The following AKT3 variants were observed in gnomAD, a reference collection of about 807,000 sequenced individuals.
AKT3 encodes AKT serine/threonine kinase 3.
Under a neutral mutation model 65.3 loss-of-function variants are expected in AKT3, and 15 were observed. The observed-to-expected ratio is 0.23, with a 90% confidence interval of 0.15 to 0.35. AKT3 has a LOEUF of 0.35. Ranked by LOEUF, AKT3 falls within the 10% of genes least tolerant of loss-of-function variation. AKT3 has a pLI of 1.00. For synonymous variants in AKT3, 206 were observed against 183.8 expected (o/e 1.12, Z -0.98); for missense variants, 243 against 576.5 (o/e 0.42, Z 5.92).
chr1:243,516,314 C>A (rs1350210605), intron 12 of AKT3, among the ~76,000 whole-genome samples: 1 of 152,086 alleles, frequency 6.6e-6, no homozygotes, highest in Admixed American at 6.5e-5. Flanking sequence ...CCATATTATC[C>A]ACTTAATACC....
intron 2 of AKT3, among the ~76,000 whole-genome samples, chr1:243,808,459 G>C (rs190872543): frequency 0.012 from 1,892 of 152,274 alleles, 16 homozygotes; most frequent in Non-Finnish European, 0.019. Flanking sequence ...ATGAAATGAA[G>C]CGAGAAGAGA....
In AKT3 at chr1:243,500,223, TC is replaced by T; in HGVS notation, c.*5025del. 1 of 258,988 alleles carries T rather than the reference TC, an allele frequency of 3.9e-6. No homozygotes were observed. Among genetic ancestry groups the T allele is most frequent in the Non-Finnish European group, 7.5e-6 (1 of 132,662 alleles). 16.0% of individuals were successfully genotyped at this position (258,988 alleles called of 1,614,324 possible). On this transcript the variant is annotated 3_prime_UTR_variant, in exon 14 of 14. Transcript: ENST00000673466. The stretch of plus-strand genomic sequence containing the variant: ...CTGCCATTCATTTTTCTTTTCATGA[TC>T]TATATATCAATCATCCTTCACCTTT...
At chr1:243,512,584 A>G (rs934949523) in intron 12 of AKT3, among the ~76,000 whole-genome samples, 158 bp from the exon 13 acceptor site, 4 of 152,220 alleles carry the variant, frequency 2.6e-5, no homozygotes, top group Non-Finnish European at 4.4e-5. Context: ...CTTCCCAGTC[A>G]ACAGTCTAAA....
chr1:243,795,453 T>TTC (rs1558817794), intron 2 of AKT3, among the ~76,000 whole-genome samples: 21 of 116,930 alleles, frequency 1.8e-4, no homozygotes, highest in African/African-American at 8.2e-4. Flanking sequence ...CTCCTTGTTT[T>TTC]TTTTTTTTGT....
At chr1:243,677,903 A>G (rs1427418923) in intron 3 of AKT3, among the ~76,000 whole-genome samples, 1 of 152,088 alleles carries the variant, frequency 6.6e-6, no homozygotes, top group Non-Finnish European at 1.5e-5. Flanking sequence ...CCTGGACAAC[A>G]TGGAGAAACC....
rs936520749 is a variant in AKT3 at position 243,502,402 on chromosome 1, C to A, written c.*2847G>T. The A allele has an allele frequency of 4.3e-6, 1 of 233,154 alleles. No homozygotes were observed. The highest frequency in any genetic ancestry group is 8.5e-6 in the Non-Finnish European group (1 of 117,964). The allele number at this position is 233,154 out of a possible 1,614,324, so 14.4% of individuals were successfully genotyped here. A position where few individuals can be genotyped will look rare whatever the true frequency, so the allele number is the denominator to read the frequency against. ...GTGTAGAAAGCAAAGCTGAGCGCGA[C>A]CCTGCCAACCATCTAAGCAGAAATG... is the stretch of plus-strand genomic sequence containing the variant. On this transcript the variant is annotated 3_prime_UTR_variant, in exon 14 of 14. Coordinates refer to ENST00000673466, the MANE Select transcript of AKT3 (RefSeq NM_005465.7).
intron 4 of AKT3, among the ~76,000 whole-genome samples, chr1:243,647,708 C>G (rs1221110630): frequency 6.6e-6 from 1 of 152,154 alleles, no homozygotes; most frequent in Non-Finnish European, 1.5e-5. Context: ...ACAAGAGCAG[C>G]TTTACTTGTT....
intron 2 of AKT3, among the ~76,000 whole-genome samples, chr1:243,717,680 C>G (rs1686596071): frequency 6.6e-6 from 1 of 152,116 alleles, no homozygotes; most frequent in Non-Finnish European, 1.5e-5. Context: ...TGGACGGCCA[C>G]ATATCAAAGA....
At chr1:243,650,201 T>C (rs1364530039) in intron 4 of AKT3, among the ~76,000 whole-genome samples, 1 of 152,214 alleles carries the variant, frequency 6.6e-6, no homozygotes, top group Non-Finnish European at 1.5e-5. Flanking sequence ...GTTGGCTGCA[T>C]AAATGTCTTT....
At chr1:243,665,499 C>T (rs1682706710) in intron 3 of AKT3, among the ~76,000 whole-genome samples, 1 of 152,154 alleles carries the variant, frequency 6.6e-6, no homozygotes, top group Non-Finnish European at 1.5e-5. Flanking sequence ...TCACTCTAAA[C>T]ATGATTAAAT....
chr1:243,787,833 C>T (rs1387954434), intron 2 of AKT3, among the ~76,000 whole-genome samples: 1 of 152,134 alleles, frequency 6.6e-6, no homozygotes. Flanking sequence ...GCCAGGTACA[C>T]AGCTACTGTC....
chr1:243,531,423 G>C (rs1671519455), intron 12 of AKT3, among the ~76,000 whole-genome samples: 1 of 152,106 alleles, frequency 6.6e-6, no homozygotes, highest in South Asian at 2.1e-4. Flanking sequence ...AATCACCTAT[G>C]ATTCAAGCAA....
intron 6 of AKT3, among the ~76,000 whole-genome samples, chr1:243,618,968 C>T (rs1678543448): frequency 6.6e-6 from 1 of 152,040 alleles, no homozygotes; most frequent in Non-Finnish European, 1.5e-5. Context: ...CAACTGATCC[C>T]ACATCTAAGT....
chr1:243,850,445 C>CCGGCGGGG (rs1695732010), upstream of AKT3, among the ~76,000 whole-genome samples: 1 of 151,202 alleles, frequency 6.6e-6, no homozygotes, highest in South Asian at 2.1e-4. Flanking sequence ...CCGGGTCACG[C>CCGGCGGGG]CGGCGGGGCG....
At chr1:243,833,557 T>TTTTTAAGATGAGA (rs1333849441) in intron 2 of AKT3, among the ~76,000 whole-genome samples, 11 of 152,106 alleles carry the variant, frequency 7.2e-5, no homozygotes, top group Non-Finnish European at 1.3e-4. Flanking sequence ...GGGATTACAA[T>TTTTTAAGATGAGA]TTTTAAGATG....
chr1:243,529,308 CAA>C (rs1403832986), intron 12 of AKT3, among the ~76,000 whole-genome samples: 2 of 151,914 alleles, frequency 1.3e-5, no homozygotes, highest in African/African-American at 4.8e-5. Context: ...TTAATTAGGT[CAA>C]GTTTTGTTTT....
chr1:243,728,383 G>A (rs1488988272), intron 2 of AKT3, among the ~76,000 whole-genome samples: 2 of 152,148 alleles, frequency 1.3e-5, no homozygotes, highest in African/African-American at 4.8e-5. Context: ...CCCTTTCTGT[G>A]ACAGGCAATA....
At chr1:243,702,040 C>T (rs939647821) in intron 2 of AKT3, among the ~76,000 whole-genome samples, 5 of 146,684 alleles carry the variant, frequency 3.4e-5, no homozygotes, top group African/African-American at 7.6e-5. Flanking sequence ...TTAATGCATG[C>T]GTTAATGAAA....
intron 2 of AKT3, among the ~76,000 whole-genome samples, chr1:243,761,436 A>T (rs1189187375): frequency 1.3e-5 from 2 of 152,188 alleles, no homozygotes; most frequent in Non-Finnish European, 2.9e-5. Context: ...AACATCCTTT[A>T]AAAATATGGA....
Sources: gnomAD v4.1 joint callset for allele counts (sites outside exome capture counted in the v4.1 genomes callset) on GRCh38, gnomAD v4.1.1 for gene constraint, MANE v1.5 for transcripts, NCBI Gene and HGNC (gene_info 2026-07-23, HGNC 2026-07-21) for gene names.